Variants in PCCB observed in about 807,000 individuals in gnomAD.
The protein encoded by PCCB is propionyl-CoA carboxylase beta chain, mitochondrial.
A neutral mutation model predicts 60.7 loss-of-function variants in PCCB; 43 were observed. The ratio of observed to expected loss-of-function variants is 0.71; its 90% confidence interval spans 0.55 to 0.91. PCCB has a LOEUF of 0.91. PCCB is among the 40% of genes least tolerant of loss of function. PCCB has a pLI of 0.00. For synonymous variants in PCCB, 276 were observed against 255.9 expected (o/e 1.08, Z -0.75); for missense variants, 766 against 702.8 (o/e 1.09, Z -1.02).
At chr3:136,284,088 GGA>G (rs1226191211) in intron 6 of PCCB, 141 bp downstream of exon 6, 1 of 694,932 alleles carries the variant, frequency 1.4e-6, no homozygotes, top group Non-Finnish European at 2.6e-6. Flanking sequence ...AGGTGTTAAT[GGA>G]GAGAGGGTTT....
intron 5 of PCCB, among the ~76,000 whole-genome samples, chr3:136,272,338 T>A (rs531074489): frequency 6.6e-6 from 1 of 152,218 alleles, no homozygotes; most frequent in African/African-American, 2.4e-5. Context: ...TAATGTCATT[T>A]CCTGGCTTTG....
chr3:136,267,764 G>T (rs529407955), intron 5 of PCCB, among the ~76,000 whole-genome samples: 1 of 152,142 alleles, frequency 6.6e-6, no homozygotes, highest in African/African-American at 2.4e-5. Flanking sequence ...TGGTGTTACT[G>T]GCATGAGCCG....
At chr3:136,283,183 G>T (rs1942524535) in intron 5 of PCCB, among the ~76,000 whole-genome samples, 1 of 152,294 alleles carries the variant, frequency 6.6e-6, no homozygotes, top group African/African-American at 2.4e-5. Flanking sequence ...GTAGGGCAAA[G>T]AATAATTGGG....
At chr3:136,313,171 T>G (rs1373347072) in intron 9 of PCCB, among the ~76,000 whole-genome samples, 3 of 152,176 alleles carry the variant, frequency 2.0e-5, no homozygotes, top group African/African-American at 7.2e-5. Flanking sequence ...AGGACTAAAT[T>G]AGCATTTGCC....
chr3:136,323,645 C>T (rs1273541016), intron 10 of PCCB, among the ~76,000 whole-genome samples: 1 of 152,022 alleles, frequency 6.6e-6, no homozygotes, highest in Non-Finnish European at 1.5e-5. Context: ...ATGAGCCGGA[C>T]GTGGCAGAGG....
At chr3:136,289,489 T>C (rs1328345493) in intron 6 of PCCB, among the ~76,000 whole-genome samples, 1 of 152,240 alleles carries the variant, frequency 6.6e-6, no homozygotes, top group Non-Finnish European at 1.5e-5. Flanking sequence ...GTAATTAATA[T>C]CTTTCTGCAT....
intron 1 of PCCB, among the ~76,000 whole-genome samples, chr3:136,254,419 G>A (rs598989): frequency 6.7e-6 from 1 of 148,588 alleles, no homozygotes; most frequent in Admixed American, 6.7e-5. Flanking sequence ...ATAGGGTTTC[G>A]CCGTGTTAGC....
intron 10 of PCCB, among the ~76,000 whole-genome samples, chr3:136,324,090 TG>T: frequency 6.6e-6 from 1 of 151,970 alleles, no homozygotes; most frequent in Non-Finnish European, 1.5e-5. Context: ...TTGTGGTCAC[TG>T]AAGTCCCTGT....
intron 9 of PCCB, among the ~76,000 whole-genome samples, chr3:136,301,948 C>T (rs973842689): frequency 2.6e-5 from 4 of 151,790 alleles, no homozygotes; most frequent in African/African-American, 9.7e-5. Flanking sequence ...GTCTGGCTCC[C>T]AAAAGTAGAA....
chr3:136,271,493 A>T (rs1234144563), intron 5 of PCCB, among the ~76,000 whole-genome samples: 1 of 152,084 alleles, frequency 6.6e-6, no homozygotes, highest in Non-Finnish European at 1.5e-5. Flanking sequence ...CATGAGCATG[A>T]GATGTGTTTT....
intron 5 of PCCB, among the ~76,000 whole-genome samples, chr3:136,280,833 C>A (rs982672709): frequency 2.0e-5 from 3 of 152,108 alleles, no homozygotes; most frequent in African/African-American, 7.2e-5. Flanking sequence ...AAAAAACTTT[C>A]TGTAGAGATC....
At chr3:136,283,331 A>T (rs1468450890) in intron 5 of PCCB, among the ~76,000 whole-genome samples, 1 of 151,884 alleles carries the variant, frequency 6.6e-6, no homozygotes, top group Admixed American at 6.6e-5. Flanking sequence ...TTGTCTGGGG[A>T]TGGGCAGAGT....
chr3:136,261,284 A>T (rs527673288), intron 4 of PCCB, among the ~76,000 whole-genome samples: 109 of 152,346 alleles, frequency 7.2e-4, no homozygotes, highest in African/African-American at 2.5e-3. Context: ...AGTTGGAGCT[A>T]CTAGTAACTG....
intron 3 of PCCB, among the ~76,000 whole-genome samples, chr3:136,258,826 T>C (rs1254013433): frequency 6.6e-6 from 1 of 151,964 alleles, no homozygotes; most frequent in African/African-American, 2.4e-5. Context: ...CTTCTGTTAG[T>C]CTCTGTTTTC....
chr3:136,255,671 G>T lies in PCCB; in HGVS notation c.184-185G>T. 1.6e-6 allele frequency: 1 copy of T among 640,224 alleles called. No homozygotes were observed. The highest frequency in any genetic ancestry group is 2.8e-6 in the Non-Finnish European group (1 of 351,802). The allele number at this position is 640,224 out of a possible 1,614,324, so 39.7% of individuals were successfully genotyped here. On this transcript the variant is annotated intron_variant, in intron 1 of 14. Coordinates refer to ENST00000251654, the MANE Select transcript of PCCB (RefSeq NM_000532.5). ...GCTTCTGGCGCACACTGTCTGTCCT[G>T]ATTTCCATGTCATCTAAAGTCTACT...
intron 9 of PCCB, among the ~76,000 whole-genome samples, chr3:136,308,541 A>G (rs1934533188): frequency 6.6e-6 from 1 of 152,244 alleles, no homozygotes; most frequent in Non-Finnish European, 1.5e-5. Context: ...AAGCAGGTCA[A>G]ATGGACAAAA....
At chr3:136,264,874 C>CAAAAAAA (rs1167305370) in intron 5 of PCCB, among the ~76,000 whole-genome samples, 1 of 76,622 alleles carries the variant, frequency 1.3e-5, no homozygotes, top group East Asian at 3.5e-4. Flanking sequence ...GACTCCGTCT[C>CAAAAAAA]AAAAAAAAAA....
intron 9 of PCCB, among the ~76,000 whole-genome samples, chr3:136,309,956 A>T (rs1269385810): frequency 2.0e-5 from 3 of 151,616 alleles, no homozygotes; most frequent in Non-Finnish European, 4.4e-5. Flanking sequence ...AAGGAGCTGG[A>T]TTCAGTGGCT....
chr3:136,317,221 T>TTTTTA, intron 10 of PCCB, among the ~76,000 whole-genome samples, 157 bp downstream of exon 10: 1 of 129,010 alleles, frequency 7.8e-6, no homozygotes, highest in Admixed American at 8.1e-5. Flanking sequence ...AATTTTTTTT[T>TTTTTA]TTTTTTTTTT....
Sources: allele counts gnomAD v4.1 joint callset (sites outside exome capture counted in the v4.1 genomes callset), GRCh38; gene constraint gnomAD v4.1.1; transcripts MANE v1.5; gene names NCBI Gene and HGNC (gene_info 2026-07-23, HGNC 2026-07-21).